The following ATRNL1 variants were observed in gnomAD, a reference collection of about 807,000 sequenced individuals.
ATRNL1 encodes attractin-like protein 1.
A neutral mutation model predicts 182.7 loss-of-function variants in ATRNL1; 95 were observed. That is an observed-to-expected ratio of 0.52 (90% CI 0.44 to 0.62). ATRNL1 has a LOEUF of 0.62. Ranked by LOEUF, ATRNL1 falls within the 20% of genes least tolerant of loss-of-function variation. ATRNL1 has a pLI of 0.00. For missense variants in ATRNL1, 1,471 were observed against 1,679.5 expected (o/e 0.88, Z 2.17); for synonymous variants, 576 against 568.3 (o/e 1.01, Z -0.19).
intron 5 of ATRNL1, among the ~76,000 whole-genome samples, chr10:115,136,200 G>T (rs1282216086): frequency 6.6e-6 from 1 of 152,056 alleles, no homozygotes; most frequent in Non-Finnish European, 1.5e-5. Context: ...AGTTGTCAAA[G>T]ATAATGATAT....
intron 24 of ATRNL1, among the ~76,000 whole-genome samples, chr10:115,498,636 T>C (rs888378219): frequency 2.0e-5 from 3 of 151,920 alleles, no homozygotes; most frequent in Admixed American, 6.6e-5. Flanking sequence ...AACTATCTCT[T>C]AAAAATTAGA....
At chr10:115,461,125 A>C (rs628829) in intron 21 of ATRNL1, among the ~76,000 whole-genome samples, 15,793 of 152,108 alleles carry the variant, frequency 0.1, 2,719 homozygotes, top group African/African-American at 0.36. Flanking sequence ...TATATTAATA[A>C]TTTTTAATGG....
At chr10:115,609,260 T>A (rs1857029223) in intron 26 of ATRNL1, among the ~76,000 whole-genome samples, 1 of 152,116 alleles carries the variant, frequency 6.6e-6, no homozygotes, top group Non-Finnish European at 1.5e-5. Context: ...CGCACCCTGC[T>A]GACATGATGT....
chr10:115,789,536 G>T (rs1313699056), intron 27 of ATRNL1, among the ~76,000 whole-genome samples: 1 of 152,196 alleles, frequency 6.6e-6, no homozygotes, highest in Non-Finnish European at 1.5e-5. Flanking sequence ...AACTGCGGGG[G>T]TTGTGCGCAG....
intron 24 of ATRNL1, among the ~76,000 whole-genome samples, chr10:115,487,586 G>A (rs576495859): frequency 3.4e-4 from 51 of 152,100 alleles, no homozygotes; most frequent in African/African-American, 1.0e-3. Flanking sequence ...TTTTGTATTC[G>A]GACACTTTGC....
In ATRNL1 at chr10:115,400,651, A is replaced by G. The variant is rs530760444; in HGVS notation, c.3269+5899A>G. ...CTGTATAGGTGCATATATATTTAAG[A>G]TAGTTAGATTTTCTTACTGAATTGA... On this transcript the variant is annotated intron_variant, in intron 20 of 28. Transcript: ENST00000355044. Among the ~76,000 whole-genome samples the G allele has an allele frequency of 5.3e-5, 8 of 152,216 alleles. No individual in the cohort carries two copies. In the East Asian group the frequency reaches 1.5e-3, roughly 29 times the overall value.
chr10:115,856,358 G>A (rs914194942), intron 28 of ATRNL1, among the ~76,000 whole-genome samples: 2 of 134,354 alleles, frequency 1.5e-5, no homozygotes, highest in African/African-American at 5.5e-5. Flanking sequence ...AACCCAGCAG[G>A]CAGAGGTTGC....
chr10:115,504,234 G>A (rs782036116), intron 24 of ATRNL1, among the ~76,000 whole-genome samples: 20 of 152,020 alleles, frequency 1.3e-4, no homozygotes, highest in Non-Finnish European at 2.4e-4. Context: ...AACTGCCATT[G>A]CAAAATTGTA....
chr10:115,941,658 G>C (rs1399411102), intron 28 of ATRNL1, among the ~76,000 whole-genome samples: 2 of 152,108 alleles, frequency 1.3e-5, no homozygotes, highest in Non-Finnish European at 2.9e-5. Context: ...TGTCATATTT[G>C]GCTGTCTCTG....
chr10:115,670,934 A>G (rs1555041171), intron 26 of ATRNL1, among the ~76,000 whole-genome samples: 1 of 152,170 alleles, frequency 6.6e-6, no homozygotes, highest in African/African-American at 2.4e-5. Context: ...AAAATATTAC[A>G]GAAATAAAAA....
At chr10:115,903,576 C>CA (rs1555113958) in intron 28 of ATRNL1, among the ~76,000 whole-genome samples, 1 of 152,222 alleles carries the variant, frequency 6.6e-6, no homozygotes, top group Non-Finnish European at 1.5e-5. Context: ...AAAAGAGATT[C>CA]AAATCCTTTA....
intron 19 of ATRNL1, among the ~76,000 whole-genome samples, chr10:115,381,492 C>G (rs886527632): frequency 1.4e-5 from 2 of 140,318 alleles, no homozygotes; most frequent in Non-Finnish European, 3.1e-5. Flanking sequence ...AGGCTGGTCT[C>G]AAACTCCTGA....
chr10:115,095,906 T>G (rs1554863010), intron 1 of ATRNL1, among the ~76,000 whole-genome samples: 1 of 152,208 alleles, frequency 6.6e-6, no homozygotes, highest in Non-Finnish European at 1.5e-5. Flanking sequence ...TTGCTCCGTT[T>G]GTCTAAAGAG....
chr10:115,883,485 A>C (rs961682121), intron 28 of ATRNL1, among the ~76,000 whole-genome samples: 26 of 152,356 alleles, frequency 1.7e-4, no homozygotes, highest in African/African-American at 6.3e-4. Flanking sequence ...CAATCTAAAT[A>C]ACCATCAATA....
At chr10:115,633,875 A>G (rs1858687277) in intron 26 of ATRNL1, among the ~76,000 whole-genome samples, 1 of 152,162 alleles carries the variant, frequency 6.6e-6, no homozygotes, top group Non-Finnish European at 1.5e-5. Flanking sequence ...ATTGATAGAC[A>G]TATTAGCATG....
At chr10:115,296,362 A>G (rs1175997168) in intron 15 of ATRNL1, among the ~76,000 whole-genome samples, 15 of 152,124 alleles carry the variant, frequency 9.9e-5, no homozygotes, top group Non-Finnish European at 2.1e-4. Flanking sequence ...CATTGTCTCA[A>G]TCCTCTCTTG....
chr10:115,738,452 T>C (rs1312379321), intron 27 of ATRNL1, among the ~76,000 whole-genome samples: 1 of 152,064 alleles, frequency 6.6e-6, no homozygotes, highest in Admixed American at 6.6e-5. Flanking sequence ...GATTTTTTAT[T>C]TTAAGAAAAT....
At chr10:115,401,020 CT>C (rs1844539606) in intron 20 of ATRNL1, among the ~76,000 whole-genome samples, 1 of 151,656 alleles carries the variant, frequency 6.6e-6, no homozygotes. Flanking sequence ...AGTAAGTGTA[CT>C]AACTAAATGT....
chr10:115,831,564 A>G (rs147888448), intron 27 of ATRNL1, among the ~76,000 whole-genome samples: 59 of 152,256 alleles, frequency 3.9e-4, no homozygotes, highest in African/African-American at 1.3e-3. Context: ...AAGCAAACCA[A>G]TTGGAAAGGT....
Sources: gnomAD v4.1 joint callset for allele counts (sites outside exome capture counted in the v4.1 genomes callset) on GRCh38, gnomAD v4.1.1 for gene constraint, MANE v1.5 for transcripts, NCBI Gene and HGNC (gene_info 2026-07-23, HGNC 2026-07-21) for gene names.